Variants in MORC2 observed in about 807,000 individuals in gnomAD.
MORC2 encodes the protein ATPase MORC2.
A neutral mutation model predicts 136.0 loss-of-function variants in MORC2; 30 were observed. That is an observed-to-expected ratio of 0.22 (90% CI 0.17 to 0.30). The LOEUF (loss-of-function observed/expected upper bound fraction) is 0.30, where lower values mean the gene tolerates loss of function less well. MORC2 is among the 10% of genes least tolerant of loss of function. The probability of loss-of-function intolerance (pLI) is 1.00; values close to 1 mark genes in which losing one functional copy is unlikely to be tolerated. For missense variants in MORC2, 922 were observed against 1,333.1 expected, an observed-to-expected ratio of 0.69 and a Z score of 4.80; for synonymous variants, 439 against 487.0, an observed-to-expected ratio of 0.90 and a Z score of 1.30.
chr22:30,965,816 T>C (rs1185631104), intron 1 of MORC2, among the ~76,000 whole-genome samples: 1 of 152,226 alleles, frequency 6.6e-6, no homozygotes, highest in Non-Finnish European at 1.5e-5. Flanking sequence ...TAAACTAAAA[T>C]TGAAGACTTT....
In MORC2 at chr22:30,928,041, G is replaced by A. The variant is rs752921354; in HGVS notation, c.3008C>T (p.Ala1003Val). Residue 1003 changes from alanine to valine, a missense_variant, in exon 25 of 26, where the codon GCA becomes GTA. Ala to Val is a moderately conservative substitution (Grantham distance 64). Transcript: ENST00000397641. ...KLQKLRTNIV[A>V]LLQKVQEDID... ...CACCTCCTGCACCTTTTGCAGGAGT[G>A]CCACGATGTTGGTCCTCAGCTTCTG... 4.3e-6 allele frequency: 7 copies of A among 1,613,534 alleles called. No homozygotes were observed. The highest frequency in any genetic ancestry group is 1.3e-5 in the African/African-American group (1 of 74,912).
chr22:30,949,848 A>C lies in MORC2; in HGVS notation c.227-6T>G. 1 of 1,613,856 alleles carries C rather than the reference A, an allele frequency of 6.2e-7. No homozygotes were observed. Among genetic ancestry groups the C allele is most frequent in the Non-Finnish European group, 8.5e-7 (1 of 1,179,748 alleles). Reference sequence around the variant, plus strand: ...GATCACACTGGCAGCATCACCTGAAAGGGCAGACACAAGAGAAAGTGAAAA... The same window carrying C: ...GATCACACTGGCAGCATCACCTGAACGGGCAGACACAAGAGAAAGTGAAAA... On this transcript the variant is annotated splice_polypyrimidine_tract_variant and splice_region_variant and intron_variant, in intron 4 of 25. Transcript: ENST00000397641.
In MORC2 at chr22:30,967,851, C is replaced by G. The variant is rs2147337780; in HGVS notation, c.39G>C (p.Gln13His). 1 of 1,551,190 alleles carries G rather than the reference C, an allele frequency of 6.4e-7. No homozygotes were observed. Among genetic ancestry groups the G allele is most frequent in the Non-Finnish European group, 8.7e-7 (1 of 1,147,092 alleles). ...FTNYSSLNRA[Q>H]LTFEYLHTNS... Reference sequence around the variant, plus strand: ...TTGTGTGCAGATATTCAAAGGTTAGCTGAGCTCGATTCAGACTGCTGTAAT... The same window carrying G: ...TTGTGTGCAGATATTCAAAGGTTAGGTGAGCTCGATTCAGACTGCTGTAAT... The change falls in exon 1 of 26, where the codon CAG becomes CAC. Residue 13 changes from glutamine (Q) to histidine (H), a missense_variant. By Grantham distance (24) the Gln-to-His change is conservative. Transcript: ENST00000397641.
chr22:30,937,469 AG>A lies in MORC2; in HGVS notation c.1498+113del. The A allele has an allele frequency of 3.4e-6, 5 of 1,462,828 alleles. No homozygotes were observed. The highest frequency in any genetic ancestry group is 3.7e-6 in the Non-Finnish European group (4 of 1,083,372). The allele number at this position is 1,462,828 out of a possible 1,614,324, so 90.6% of individuals were successfully genotyped here. ...CATCGTCAAACAGACTTGGATCCCT[AG>A]GGGACTGTAAGTCCATGAATGTCAG... On this transcript the variant is annotated intron_variant, in intron 15 of 25. Transcript: ENST00000397641. The surrounding 1 kb of genome is among the most constrained non-coding windows in gnomAD (Gnocchi z 4.7).
chr22:30,957,139 A>G (rs149806144), intron 2 of MORC2, among the ~76,000 whole-genome samples: 4 of 152,242 alleles, frequency 2.6e-5, no homozygotes, highest in Non-Finnish European at 5.9e-5. Flanking sequence ...TGTTTTTCTC[A>G]CTCATTTGAT....
At chr22:30,944,052 C>A (rs1245641372) in intron 6 of MORC2, among the ~76,000 whole-genome samples, 1 of 152,216 alleles carries the variant, frequency 6.6e-6, no homozygotes, top group Non-Finnish European at 1.5e-5. Context: ...GCCACCAGGC[C>A]CGGCCCATTT....
chr22:30,934,071 C>T lies in MORC2; in HGVS notation c.2314G>A (p.Asp772Asn). The T allele has an allele frequency of 6.2e-7, 1 of 1,614,128 alleles. No individual in the cohort carries two copies. The highest frequency in any genetic ancestry group is 8.5e-7 in the Non-Finnish European group (1 of 1,180,018). ...CCTCAACCACTCACCTCATTCGAGT[C>T]CTTCTTTTCCTCCTTCACAACAAAT... ...GRFVVKEEKKDSNELSDSAGE... is the reference protein window; with the variant it reads ...GRFVVKEEKKNSNELSDSAGE... The change falls in exon 20 of 26, where the codon GAC (aspartate) becomes AAC (asparagine). Residue 772 changes from aspartate to asparagine, a missense_variant. Transcript: ENST00000397641. This position sits in a 1 kb window ranked among gnomAD's most constrained non-coding sequence, Gnocchi z 4.4.
chr22:30,934,842 G>C lies in MORC2; in HGVS notation c.2132C>G (p.Ser711Cys). The change falls in exon 19 of 26, where the codon TCT becomes TGT. Residue 711 changes from serine to cysteine, a missense_variant. Around this residue, in one of 9 missense-constraint regions of MORC2, gnomAD observed 184 missense variants for 180.3 expected, o/e 1.02. Coordinates refer to ENST00000397641, the MANE Select transcript of MORC2 (RefSeq NM_001303256.3). This position sits in a 1 kb window ranked among gnomAD's most constrained non-coding sequence, Gnocchi z 4.4. The part of the protein sequence containing the change: ...PNSKSPREVP[S>C]PKVIKTPVVK... ...CACTGGAGTCTTGATGACTTTGGGA[G>C]AAGGAACCTCCCGAGGGCTCTTGGA... is the stretch of plus-strand genomic sequence containing the variant. The C allele has an allele frequency of 6.2e-7, 1 of 1,614,204 alleles. No homozygotes were observed. Among genetic ancestry groups the C allele is most frequent in the South Asian group, 1.1e-5 (1 of 91,080 alleles).
At chr22:30,933,628 G>C (rs1369376730) in intron 20 of MORC2, 108 bp from the exon 21 acceptor site, 21 of 1,122,704 alleles carry the variant, frequency 1.9e-5, no homozygotes, top group Non-Finnish European at 2.4e-5. Context: ...GACTTCCTGT[G>C]CTACAGTTTA....
At position 30,932,329 on chromosome 22, in the gene MORC2, G is replaced by A. The variant is rs753362631; in HGVS notation, c.2841+30C>T. ...AGGGGCAGGGGTGGGGGAATGAAGA[G>A]TGTGGAATCGAAGGTCAGGCCAGAC... On this transcript the variant is annotated intron_variant, in intron 24 of 25. Coordinates refer to ENST00000397641, the MANE Select transcript of MORC2 (RefSeq NM_001303256.3). The surrounding 1 kb of genome is among the most constrained non-coding windows in gnomAD (Gnocchi z 4.4). The A allele has an allele frequency of 3.3e-6, 5 of 1,532,750 alleles. No individual in the cohort carries two copies. The highest frequency in any genetic ancestry group is 4.5e-6 in the Non-Finnish European group (5 of 1,109,714). The allele number at this position is 1,532,750 out of a possible 1,614,324, so 94.9% of individuals were successfully genotyped here.
In MORC2 at chr22:30,961,604, G is replaced by A. The variant is rs552134212; in HGVS notation, c.69-2910C>T. Among the ~76,000 whole-genome samples, 142 of 152,182 alleles carry A rather than the reference G, an allele frequency of 9.3e-4. No homozygotes were observed. The Middle Eastern group carries it at 0.01, about 11-fold the overall frequency. On this transcript the variant is annotated intron_variant, in intron 1 of 25. Coordinates refer to ENST00000397641, the MANE Select transcript of MORC2 (RefSeq NM_001303256.3). ...TAAATCAAGGAATCTCAAAAATAGA[G>A]CTACCAGAAAAAAACAAGAGCACAA...
Position 30,960,555 on chromosome 22 carries a change from CT to C in MORC2, c.69-1862del, listed in dbSNP as rs1287523107. On this transcript the variant is annotated intron_variant, in intron 1 of 25. Coordinates refer to ENST00000397641, the MANE Select transcript of MORC2 (RefSeq NM_001303256.3). Reference sequence around the variant, plus strand: ...CCAGGCTGGAGTGCAATGGCGCAATCTCCGCTCACTGCAACCTCCGCCTCCC... The same window carrying C: ...CCAGGCTGGAGTGCAATGGCGCAATCCCGCTCACTGCAACCTCCGCCTCCC... 9.2e-5 allele frequency among the ~76,000 whole-genome samples: 14 copies of C among 151,806 alleles called. No individual in the cohort carries two copies. The South Asian group carries it at 1.7e-3, about 18-fold the overall frequency.
chr22:30,951,422 A>C (rs775848789), intron 3 of MORC2, among the ~76,000 whole-genome samples: 2 of 152,204 alleles, frequency 1.3e-5, no homozygotes, highest in African/African-American at 2.4e-5. Flanking sequence ...GCAAAAGAGA[A>C]ACCAGCCTTG....
chr22:30,949,743 T>A lies in MORC2; in HGVS notation c.317+9A>T, dbSNP rs1415437600. 1 of 1,611,592 alleles carries A rather than the reference T, an allele frequency of 6.2e-7. No homozygotes were observed. The highest frequency in any genetic ancestry group is 8.5e-7 in the Non-Finnish European group (1 of 1,177,832). On this transcript the variant is annotated intron_variant, in intron 5 of 25. Transcript: ENST00000397641. The stretch of plus-strand genomic sequence containing the variant: ...TTTGAGCCCTGTGACAAGCTTCTAA[T>A]ATACCTACGATTTTAACCCATTCCC...
At chr22:30,967,581 TAA>T in intron 1 of MORC2, 1 of 1,332,984 alleles carries the variant, frequency 7.5e-7, no homozygotes, top group Admixed American at 3.4e-5. Context: ...TTCAAATAAC[TAA>T]AGTTTGCATT....
chr22:30,962,040 A>G (rs2041054279), intron 1 of MORC2, among the ~76,000 whole-genome samples: 1 of 152,006 alleles, frequency 6.6e-6, no homozygotes, highest in Admixed American at 6.6e-5. Flanking sequence ...TACTAAAAAT[A>G]CAAAAAAATT....
intron 20 of MORC2, 109 bp from the exon 21 acceptor site, chr22:30,933,629 C>A: frequency 8.9e-7 from 1 of 1,118,058 alleles, no homozygotes. Flanking sequence ...ACTTCCTGTG[C>A]TACAGTTTAA....
Position 30,932,714 on chromosome 22 carries a change from G to T in MORC2, c.2578C>A (p.Gln860Lys). 1 of 1,614,172 alleles carries T rather than the reference G, an allele frequency of 6.2e-7. No homozygotes were observed. The change falls in exon 23 of 26, where the codon CAG (glutamine) becomes AAG (lysine). Residue 860 changes from glutamine to lysine, a missense_variant. This residue lies in a region of MORC2 where 263 missense variants were observed against 388.3 expected (regional missense o/e 0.68). Transcript: ENST00000397641. The surrounding 1 kb of genome is among the most constrained non-coding windows in gnomAD (Gnocchi z 4.4). ...RLMKPPSPEH[Q>K]SLDTQQEGGE... ...CCCTCCTGTTGTGTATCAAGGCTCT[G>T]ATGTTCCGGAGAAGGGGGTTTCATC...
At position 30,941,250 on chromosome 22, in the gene MORC2, T is replaced by C. The variant is rs2040737633; in HGVS notation, c.824+183A>G. ...GAGCTTAGCCAGCCACCTCCACAGCTGATCTGTCCCTCCTCTAGGACCCAG... is the reference window on the plus strand; with the variant it reads ...GAGCTTAGCCAGCCACCTCCACAGCCGATCTGTCCCTCCTCTAGGACCCAG... On this transcript the variant is annotated intron_variant, in intron 9 of 25. Coordinates refer to ENST00000397641, the MANE Select transcript of MORC2 (RefSeq NM_001303256.3). This position sits in a 1 kb window ranked among gnomAD's most constrained non-coding sequence, Gnocchi z 4.6. Among the ~76,000 whole-genome samples, 1 of 152,192 alleles carries C rather than the reference T, an allele frequency of 6.6e-6. No homozygotes were observed. Among genetic ancestry groups the C allele is most frequent in the East Asian group, 1.9e-4 (1 of 5,186 alleles).
Sources: gnomAD v4.1 joint callset for allele counts (sites outside exome capture counted in the v4.1 genomes callset) on GRCh38, gnomAD v4.1.1 for gene constraint, gnomAD v4.1.1 regional missense constraint, Gnocchi (gnomAD v3.1) non-coding constraint, MANE v1.5 for transcripts, NCBI Gene and HGNC (gene_info 2026-07-23, HGNC 2026-07-21) for gene names.